Variants in CAPZB observed in about 807,000 individuals in gnomAD.
CAPZB encodes capping actin protein of muscle Z-line subunit beta.
A neutral mutation model predicts 38.1 loss-of-function variants in CAPZB; 2 were observed. The ratio of observed to expected loss-of-function variants is 0.05; its 90% CI spans 0.02 to 0.17. The LOEUF (loss-of-function observed/expected upper bound fraction) is 0.17, where lower values mean the gene tolerates loss of function less well. Ranked by LOEUF, CAPZB falls within the 10% of genes least tolerant of loss-of-function variation. The pLI, the probability that CAPZB is intolerant of heterozygous loss-of-function variation, is 1.00. For synonymous variants in CAPZB, 107 were observed against 127.4 expected, an observed-to-expected ratio of 0.84 and a Z score of 1.08; for missense variants, 161 against 334.2, an observed-to-expected ratio of 0.48 and a Z score of 4.04.
chr1:19,432,840 AG>A (rs2100588272), intron 1 of CAPZB, among the ~76,000 whole-genome samples: 1 of 152,374 alleles, frequency 6.6e-6, no homozygotes, highest in East Asian at 1.9e-4. Flanking sequence ...AACGACTTGT[AG>A]GGAACAACTT....
chr1:19,441,962 T>C (rs557348400), intron 1 of CAPZB, among the ~76,000 whole-genome samples: 2 of 145,462 alleles, frequency 1.4e-5, no homozygotes, highest in African/African-American at 5.2e-5. Flanking sequence ...TGCGCTGAGA[T>C]TGTGCCACTG....
intron 2 of CAPZB, among the ~76,000 whole-genome samples, chr1:19,406,422 C>A (rs985322121): frequency 6.6e-6 from 1 of 152,138 alleles, no homozygotes; most frequent in Non-Finnish European, 1.5e-5. Flanking sequence ...GAACAGAACG[C>A]CCTTTCAACG....
chr1:19,448,588 T>A (rs995199260), intron 1 of CAPZB, among the ~76,000 whole-genome samples: 4 of 151,924 alleles, frequency 2.6e-5, no homozygotes, highest in Non-Finnish European at 5.9e-5. Flanking sequence ...GCTGTAGGGG[T>A]TTTTTCTTAT....
At chr1:19,386,510 T>C (rs1472566) in intron 2 of CAPZB, among the ~76,000 whole-genome samples, 98,962 of 152,122 alleles carry the variant, frequency 0.65, 32,366 homozygotes, top group African/African-American at 0.71. Context: ...ACCAGGAAAG[T>C]GCCTGCCAGT....
In CAPZB at chr1:19,356,873, TA is replaced by T; in HGVS notation, c.472-123del. 3 of 653,806 alleles carry T rather than the reference TA, an allele frequency of 4.6e-6. No individual in the cohort carries two copies. The highest frequency in any genetic ancestry group is 2.4e-5 in the Admixed American group (1 of 41,008). The allele number at this position is 653,806 out of a possible 1,614,324, so 40.5% of individuals were successfully genotyped here. A position where few individuals can be genotyped will look rare whatever the true frequency, so the allele number is the denominator to read the frequency against. ...ATCACAATATTACCTTTTTTTTTTT[TA>T]AATTGGAGACAAAGTCTCGCTCTGT... On this transcript the variant is annotated intron_variant, in intron 5 of 8. Transcript: ENST00000264202. This position sits in a 1 kb window ranked among gnomAD's most constrained non-coding sequence, Gnocchi z 4.3.
intron 1 of CAPZB, among the ~76,000 whole-genome samples, chr1:19,439,863 C>T (rs1156358880): frequency 1.3e-5 from 2 of 152,198 alleles, no homozygotes; most frequent in Admixed American, 6.5e-5. Context: ...GAGAGCAACC[C>T]CTGCAAGTAT....
intron 4 of CAPZB, among the ~76,000 whole-genome samples, chr1:19,366,714 CAG>C (rs1234704811): frequency 6.6e-6 from 1 of 152,006 alleles, no homozygotes; most frequent in East Asian, 1.9e-4. Flanking sequence ...AACAAACAAA[CAG>C]AAACTCCCAA....
intron 1 of CAPZB, among the ~76,000 whole-genome samples, chr1:19,471,629 T>C (rs192220374): frequency 1.4e-3 from 215 of 151,708 alleles, no homozygotes; most frequent in African/African-American, 4.0e-3. Context: ...CTTTGGGAGG[T>C]CAAGGTGGGC....
intron 6 of CAPZB, among the ~76,000 whole-genome samples, chr1:19,348,966 T>A (rs1263763914): frequency 6.6e-6 from 1 of 152,112 alleles, no homozygotes; most frequent in African/African-American, 2.4e-5. Flanking sequence ...TCCTGAGGAA[T>A]CTCGACCCTC....
chr1:19,340,062 G>A lies in CAPZB; in HGVS notation c.732-445C>T, dbSNP rs962726808. On this transcript the variant is annotated intron_variant, in intron 8 of 8. Coordinates refer to ENST00000264202, the MANE Select transcript of CAPZB (RefSeq NM_004930.5). ...TGGGGACTCAGGCCAGGGGCTAAGA[G>A]GGGAGGACTCCGGGGCCATGCGGGT... is the stretch of plus-strand genomic sequence containing the variant. Among the ~76,000 whole-genome samples, 6 of 152,338 alleles carry A rather than the reference G, an allele frequency of 3.9e-5. No individual in the cohort carries two copies. In the East Asian group the frequency reaches 5.8e-4, roughly 15 times the overall value.
At chr1:19,343,289 ACTC>A (rs1470636680) in intron 8 of CAPZB, among the ~76,000 whole-genome samples, 2 of 151,452 alleles carry the variant, frequency 1.3e-5, no homozygotes, top group East Asian at 2.0e-4. Context: ...TCCAAAGAGG[ACTC>A]CTCCTCTGTT....
Position 19,348,765 on chromosome 1 carries a change from GGGGGC to G in CAPZB, c.589-3518_589-3514del, listed in dbSNP as rs918608424. Among the ~76,000 whole-genome samples, 759 of 136,286 alleles carry G rather than the reference GGGGGC, an allele frequency of 5.6e-3. 16 individuals are homozygous for G. The highest frequency in any genetic ancestry group is 0.019 in the African/African-American group (682 of 36,088). 89.4% of individuals were successfully genotyped at this position (136,286 alleles called of 152,430 possible). A position where few individuals can be genotyped will look rare whatever the true frequency, so the allele number is the denominator to read the frequency against. The stretch of plus-strand genomic sequence containing the variant: ...AAACGGGTGGCATCTGACAAGGGGG[GGGGGC>G]GGTCTAGGTGAGGGCAACAGTCCAG... On this transcript the variant is annotated intron_variant, in intron 6 of 8. Coordinates refer to ENST00000264202, the MANE Select transcript of CAPZB (RefSeq NM_004930.5).
chr1:19,343,929 C>G (rs2093946747), intron 8 of CAPZB, among the ~76,000 whole-genome samples: 1 of 152,192 alleles, frequency 6.6e-6, no homozygotes, highest in African/African-American at 2.4e-5. Flanking sequence ...AAGGCCCGGA[C>G]TGAGGGCCCT....
chr1:19,456,481 G>A (rs1023265815), intron 1 of CAPZB, among the ~76,000 whole-genome samples: 5 of 152,110 alleles, frequency 3.3e-5, no homozygotes, highest in African/African-American at 7.2e-5. Context: ...TCTTTCCAGC[G>A]TTAGCCTCAA....
chr1:19,350,932 G>A (rs2093988118), intron 6 of CAPZB, among the ~76,000 whole-genome samples: 1 of 147,252 alleles, frequency 6.8e-6, no homozygotes. Flanking sequence ...ATTATTTATT[G>A]AGCATAAAAC....
At chr1:19,441,138 A>C (rs1368230795) in intron 1 of CAPZB, among the ~76,000 whole-genome samples, 1 of 152,250 alleles carries the variant, frequency 6.6e-6, no homozygotes, top group Non-Finnish European at 1.5e-5. Flanking sequence ...AAATTTGAAA[A>C]TATACATCAT....
chr1:19,450,442 T>A (rs1203577200), intron 1 of CAPZB, among the ~76,000 whole-genome samples: 1 of 152,180 alleles, frequency 6.6e-6, no homozygotes, highest in Non-Finnish European at 1.5e-5. Flanking sequence ...GGGTTTTAAA[T>A]TTTCACATTA....
At chr1:19,346,987 CTTTTT>C (rs1328235103) in intron 6 of CAPZB, among the ~76,000 whole-genome samples, 1 of 149,172 alleles carries the variant, frequency 6.7e-6, no homozygotes, top group African/African-American at 2.5e-5. Flanking sequence ...CCACGTCCGG[CTTTTT>C]TTTATTTTTA....
intron 8 of CAPZB, chr1:19,342,987 G>T: frequency 1.4e-6 from 1 of 696,394 alleles, no homozygotes; most frequent in African/African-American, 1.7e-5. Context: ...GGGGGATGCC[G>T]TGGCGGCTCT....
Sources: gnomAD v4.1 joint callset for allele counts (sites outside exome capture counted in the v4.1 genomes callset) on GRCh38, gnomAD v4.1.1 for gene constraint, Gnocchi (gnomAD v3.1) non-coding constraint, MANE v1.5 for transcripts, NCBI Gene and HGNC (gene_info 2026-07-23, HGNC 2026-07-21) for gene names.